Variants in WDFY2 observed in about 807,000 individuals in gnomAD.
WDFY2 encodes the protein WD repeat and FYVE domain-containing protein 2.
A neutral mutation model predicts 56.4 loss-of-function variants in WDFY2; 36 were observed. That is an observed-to-expected ratio of 0.64 (90% CI 0.49 to 0.84). The LOEUF (loss-of-function observed/expected upper bound fraction) is 0.84, where lower values mean the gene tolerates loss of function less well. Ranked by LOEUF, WDFY2 falls within the 40% of genes least tolerant of loss-of-function variation. The pLI is 0.00. For missense variants in WDFY2, 444 were observed against 512.2 expected (o/e 0.87, Z 1.29); for synonymous variants, 176 against 183.7 (o/e 0.96, Z 0.34).
chr13:51,631,517 GTATC>G (rs1954952737), intron 1 of WDFY2, among the ~76,000 whole-genome samples: 1 of 152,070 alleles, frequency 6.6e-6, no homozygotes, highest in Non-Finnish European at 1.5e-5. Context: ...CATTAGAACA[GTATC>G]TATGGAGTTC....
intron 1 of WDFY2, among the ~76,000 whole-genome samples, chr13:51,650,940 G>A (rs1222613520): frequency 6.6e-6 from 1 of 152,170 alleles, no homozygotes; most frequent in Non-Finnish European, 1.5e-5. Context: ...AAATGAGTTA[G>A]GGAGGATTCC....
intron 1 of WDFY2, among the ~76,000 whole-genome samples, chr13:51,602,180 A>G (rs1203776522): frequency 1.3e-5 from 2 of 152,234 alleles, no homozygotes; most frequent in Non-Finnish European, 2.9e-5. Context: ...TTCTATCAAC[A>G]ACAGACTGCA....
At chr13:51,623,931 A>G (rs934381840) in intron 1 of WDFY2, among the ~76,000 whole-genome samples, 2 of 152,024 alleles carry the variant, frequency 1.3e-5, no homozygotes, top group African/African-American at 2.4e-5. Flanking sequence ...CTGCACACCA[A>G]GCTTTTAAAA....
intron 3 of WDFY2, among the ~76,000 whole-genome samples, chr13:51,678,853 A>C (rs1309507430): frequency 6.6e-6 from 1 of 152,186 alleles, no homozygotes; most frequent in Admixed American, 6.5e-5. Flanking sequence ...TGATGTTGGC[A>C]AAGCAGTGAG....
chr13:51,635,636 G>C (rs1457065708), intron 1 of WDFY2, among the ~76,000 whole-genome samples: 2 of 152,176 alleles, frequency 1.3e-5, no homozygotes, highest in African/African-American at 4.8e-5. Flanking sequence ...ACTCCCGGGA[G>C]GAACTCCTGG....
At chr13:51,673,415 C>T (rs1593970987) in intron 2 of WDFY2, among the ~76,000 whole-genome samples, 1 of 152,126 alleles carries the variant, frequency 6.6e-6, no homozygotes, top group African/African-American at 2.4e-5. Flanking sequence ...TTCATATGCT[C>T]ATACTTACAT....
chr13:51,756,821 G>C (rs1268805362), intron 10 of WDFY2, among the ~76,000 whole-genome samples: 29 of 152,222 alleles, frequency 1.9e-4, no homozygotes, highest in Admixed American at 1.9e-3. Context: ...ATCTTTACAG[G>C]AGTTGAGTGA....
chr13:51,719,613 A>G (rs895708572), intron 5 of WDFY2, among the ~76,000 whole-genome samples: 2 of 152,220 alleles, frequency 1.3e-5, no homozygotes, highest in African/African-American at 4.8e-5. Context: ...TAGACAGAAC[A>G]CAGTGCAGAT....
intron 1 of WDFY2, among the ~76,000 whole-genome samples, chr13:51,652,602 G>C (rs1165739898): frequency 2.0e-5 from 3 of 152,096 alleles, no homozygotes; most frequent in Non-Finnish European, 2.9e-5. Context: ...CAGGCCTGGT[G>C]GTGACAAAAT....
chr13:51,585,270 G>T (rs1257836424), intron 1 of WDFY2, among the ~76,000 whole-genome samples: 2 of 152,232 alleles, frequency 1.3e-5, no homozygotes, highest in Non-Finnish European at 2.9e-5. Flanking sequence ...GAAAGCAAAT[G>T]CCACTCCTTC....
chr13:51,710,090 C>T lies in WDFY2; in HGVS notation c.334+6440C>T, dbSNP rs572222697. On this transcript the variant is annotated intron_variant, in intron 4 of 11. Transcript: ENST00000298125. ...AGCATATCAAAAAGCTTATCCACCA[C>T]GATCAAGTAGGCTTCATCCCTGGGA... Among the ~76,000 whole-genome samples the T allele has an allele frequency of 1.3e-3, 204 of 152,272 alleles. 1 individual carries two copies. Among genetic ancestry groups the T allele is most frequent in the South Asian group, 3.9e-3 (19 of 4,824 alleles).
chr13:51,631,661 A>G (rs1954955304), intron 1 of WDFY2, among the ~76,000 whole-genome samples: 1 of 152,136 alleles, frequency 6.6e-6, no homozygotes, highest in Non-Finnish European at 1.5e-5. Context: ...TTCAACTTAC[A>G]ATGTTGAAAG....
intron 5 of WDFY2, among the ~76,000 whole-genome samples, chr13:51,722,877 C>A (rs1005741307): frequency 6.6e-6 from 1 of 152,156 alleles, no homozygotes. Flanking sequence ...CTTTATCCAG[C>A]GTCATTTGTC....
intron 7 of WDFY2, among the ~76,000 whole-genome samples, chr13:51,743,133 G>A (rs1222512769): frequency 6.6e-6 from 1 of 152,210 alleles, no homozygotes; most frequent in Non-Finnish European, 1.5e-5. Context: ...TGTGGTGCTA[G>A]GGAACTGTTA....
At chr13:51,621,977 T>C (rs1188909183) in intron 1 of WDFY2, among the ~76,000 whole-genome samples, 1 of 152,190 alleles carries the variant, frequency 6.6e-6, no homozygotes, top group Non-Finnish European at 1.5e-5. Context: ...TTTTGCTCAA[T>C]GTAGCTTGAT....
intron 1 of WDFY2, among the ~76,000 whole-genome samples, chr13:51,601,393 ATGAT>A (rs1954279106): frequency 6.6e-6 from 1 of 151,804 alleles, no homozygotes; most frequent in South Asian, 2.1e-4. Context: ...AATTCTAAAA[ATGAT>A]TGTATGAAGT....
At chr13:51,655,417 T>A (rs1390227674) in intron 1 of WDFY2, among the ~76,000 whole-genome samples, 3 of 152,116 alleles carry the variant, frequency 2.0e-5, no homozygotes, top group African/African-American at 7.2e-5. Flanking sequence ...TGTTGAATTT[T>A]GTCAAATGCA....
chr13:51,603,872 A>G (rs576318951), intron 1 of WDFY2, among the ~76,000 whole-genome samples: 1 of 152,342 alleles, frequency 6.6e-6, no homozygotes, highest in South Asian at 2.1e-4. Flanking sequence ...AAGGCAGGTA[A>G]CATAAATGAG....
chr13:51,751,517 T>G (rs746869691), intron 8 of WDFY2, 102 bp downstream of exon 8: 2 of 1,132,600 alleles, frequency 1.8e-6, no homozygotes, highest in African/African-American at 1.5e-5. Context: ...AAATAAGGCA[T>G]GTAACGTTAA....
Sources: gnomAD v4.1 joint callset for allele counts (sites outside exome capture counted in the v4.1 genomes callset) on GRCh38, gnomAD v4.1.1 for gene constraint, MANE v1.5 for transcripts, NCBI Gene and HGNC (gene_info 2026-07-23, HGNC 2026-07-21) for gene names.